Variants in DENND6B observed in about 807,000 individuals in gnomAD.
The protein encoded by DENND6B is protein DENND6B.
Under a neutral mutation model 85.1 loss-of-function variants are expected in DENND6B, and 73 were observed. The ratio of observed to expected loss-of-function variants is 0.86; its 90% CI spans 0.71 to 1.04. The LOEUF is 1.04. DENND6B is among the 50% of genes least tolerant of loss of function. The probability of loss-of-function intolerance (pLI) is 0.00; values close to 1 mark genes in which losing one functional copy is unlikely to be tolerated. For missense variants in DENND6B, 715 were observed against 785.8 expected (o/e 0.91, Z 1.08); for synonymous variants, 357 against 329.3 (o/e 1.08, Z -0.91).
chr22:50,313,445 C>A lies in DENND6B; in HGVS notation c.1347+1G>T. 6.5e-7 allele frequency: 1 copy of A among 1,537,386 alleles called. No homozygotes were observed. Among genetic ancestry groups the A allele is most frequent in the Non-Finnish European group, 8.8e-7 (1 of 1,142,836 alleles). On this transcript the variant is annotated splice_donor_variant, in intron 16 of 19. Transcript: ENST00000413817. LOFTEE classifies it high-confidence loss of function. ...CCACAAAACCCCCACAGGACCCCCA[C>A]CTTCCAGGGCGTGATGCTCTTCTGC... is the stretch of plus-strand genomic sequence containing the variant.
At position 50,314,434 on chromosome 22, in the gene DENND6B, G is replaced by C; in HGVS notation, c.1038C>G (p.Pro346=). 3.2e-6 allele frequency: 5 copies of C among 1,565,962 alleles called. No homozygotes were observed. Among genetic ancestry groups the C allele is most frequent in the Non-Finnish European group, 3.5e-6 (4 of 1,154,608 alleles). Residue 346 remains proline (P), a synonymous_variant, in exon 12 of 20, where the codon CCC becomes CCG. Coordinates refer to ENST00000413817, the MANE Select transcript of DENND6B (RefSeq NM_001001794.4). ...TGGGCTCCCCGACTCGGAGGATGTG[G>C]GGCCAGTGCTGGAGTGTTTTGATAA... is the stretch of plus-strand genomic sequence containing the variant. ...PFFIKTLQHW[P]HILRVGEPKM... is the part of the protein sequence containing the mutation.
chr22:50,317,226 C>T (rs2041879679), intron 5 of DENND6B, 67 bp downstream of exon 5: 2 of 1,576,318 alleles, frequency 1.3e-6, no homozygotes, highest in East Asian at 2.3e-5. Flanking sequence ...CCGCCCACAG[C>T]CCCTCCTGCT....
intron 13 of DENND6B, 148 bp from the exon 14 acceptor site, chr22:50,314,026 C>T (rs2041692341): frequency 3.9e-6 from 5 of 1,291,058 alleles, no homozygotes; most frequent in African/African-American, 3.0e-5. Context: ...ACCCACCCCC[C>T]AGACACCGAG....
At position 50,311,926 on chromosome 22, in the gene DENND6B, C is replaced by T; in HGVS notation, c.*213G>A. 1.2e-6 allele frequency: 1 copy of T among 813,238 alleles called. No homozygotes were observed. Among genetic ancestry groups the T allele is most frequent in the East Asian group, 2.8e-5 (1 of 35,792 alleles). The allele number at this position is 813,238 out of a possible 1,614,324, so 50.4% of individuals were successfully genotyped here. ...AGGTGGGACCCAGGAGGAGGCAAGGCTCTGCCTGCGAGGAACCCCTATGGT... is the reference window on the plus strand; with the variant it reads ...AGGTGGGACCCAGGAGGAGGCAAGGTTCTGCCTGCGAGGAACCCCTATGGT... On this transcript the variant is annotated 3_prime_UTR_variant, in exon 20 of 20. Transcript: ENST00000413817.
intron 13 of DENND6B, 23 bp from the exon 14 acceptor site, chr22:50,313,901 GC>G: frequency 1.3e-6 from 2 of 1,595,972 alleles, no homozygotes. Context: ...CACAGCTGGC[GC>G]CCCACCCTTC....
intron 9 of DENND6B, 126 bp from the exon 10 acceptor site, chr22:50,315,047 G>C: frequency 7.5e-7 from 1 of 1,340,126 alleles, no homozygotes; most frequent in Non-Finnish European, 1.0e-6. Context: ...GCTCCAGGGT[G>C]AAGACAGATC....
chr22:50,312,513 C>T lies in DENND6B; in HGVS notation c.1560+10G>A. 6.3e-7 allele frequency: 1 copy of T among 1,579,110 alleles called. No individual in the cohort carries two copies. Among genetic ancestry groups the T allele is most frequent in the Non-Finnish European group, 8.6e-7 (1 of 1,163,460 alleles). ...TGTTCTGGCCCTCCCCAACCCCCAG[C>T]CTCTCTCACCGCCTCACAGATAGCC... is the stretch of plus-strand genomic sequence containing the variant. On this transcript the variant is annotated intron_variant, in intron 18 of 19. Transcript: ENST00000413817.
Position 50,317,909 on chromosome 22 carries a change from T to C in DENND6B, c.371A>G (p.Gln124Arg). ...CCAGAGACGCAGCCCAGTGCTCACC[T>C]GCAGTGCCACAGGGGCCCTGCTGTT... ...HYNSRAPVAL[Q>R]REPAHYFGYV... is the part of the protein sequence containing the mutation. The change falls in exon 4 of 20, where the codon CAG (glutamine) becomes CGG (arginine). Residue 124 changes from glutamine to arginine, a missense_variant and splice_region_variant. Transcript: ENST00000413817. The C allele has an allele frequency of 6.2e-7, 1 of 1,606,504 alleles. No individual in the cohort carries two copies. The highest frequency in any genetic ancestry group is 8.5e-7 in the Non-Finnish European group (1 of 1,178,956).
At chr22:50,320,689 T>C (rs1207523008) in intron 1 of DENND6B, among the ~76,000 whole-genome samples, 1 of 152,154 alleles carries the variant, frequency 6.6e-6, no homozygotes, top group Non-Finnish European at 1.5e-5. Context: ...GATAGCTCCA[T>C]GAGGGGCTGG....
rs374489759 is a variant in DENND6B at position 50,314,318 on chromosome 22, G to A, written c.1073-46C>T. ...CCAGGCCTCAGTGCCCGCAGCTCTG[G>A]CCATCCCCACGGGCTCTGAGGCGGC... On this transcript the variant is annotated intron_variant, in intron 12 of 19. Coordinates refer to ENST00000413817, the MANE Select transcript of DENND6B (RefSeq NM_001001794.4). The A allele has an allele frequency of 2.3e-5, 37 of 1,598,382 alleles. No individual in the cohort carries two copies. The Admixed American group carries it at 4.6e-4, about 20-fold the overall frequency.
rs754223959 is a variant in DENND6B at position 50,312,388 on chromosome 22, G to A, written c.1590C>T (p.Ser530=). 5.3e-5 allele frequency: 85 copies of A among 1,611,592 alleles called. No individual in the cohort carries two copies. The highest frequency in any genetic ancestry group is 6.4e-5 in the Non-Finnish European group (76 of 1,179,380). The change falls in exon 19 of 20, where the codon TCC becomes TCT. Residue 530 remains serine, a synonymous_variant. Transcript: ENST00000413817. The part of the protein sequence containing the change: ...ANIETWMKDK[S]EVEVVDLVLK... ...GGACCAGGTCCACGACCTCCACCTC[G>A]GACTTGTCTTTCATCCAGGTCTCGA...
chr22:50,326,534 G>T (rs141701526), intron 1 of DENND6B, among the ~76,000 whole-genome samples: 5,372 of 152,316 alleles, frequency 0.035, 320 homozygotes, highest in African/African-American at 0.12. Flanking sequence ...ATGGAGGGGG[G>T]AGATGTGAGA....
At position 50,317,194 on chromosome 22, in the gene DENND6B, G is replaced by A. The variant is rs931750706; in HGVS notation, c.453+99C>T. The A allele has an allele frequency of 5.2e-6, 7 of 1,336,764 alleles. No homozygotes were observed. The Admixed American group carries it at 7.7e-5, about 15-fold the overall frequency. The allele number at this position is 1,336,764 out of a possible 1,614,324, so 82.8% of individuals were successfully genotyped here. On this transcript the variant is annotated intron_variant, in intron 5 of 19. Coordinates refer to ENST00000413817, the MANE Select transcript of DENND6B (RefSeq NM_001001794.4). Reference sequence around the variant, plus strand: ...TGGGGCTGCAGGAGGGGTGGGCACTGCTGGAGGCTCAGGCCCCTTGCCCGC... The same window carrying A: ...TGGGGCTGCAGGAGGGGTGGGCACTACTGGAGGCTCAGGCCCCTTGCCCGC...
Position 50,318,968 on chromosome 22 carries a change from C to T in DENND6B, c.213G>A (p.Lys71=). The T allele has an allele frequency of 6.2e-7, 1 of 1,607,148 alleles. No individual in the cohort carries two copies. The highest frequency in any genetic ancestry group is 8.5e-7 in the Non-Finnish European group (1 of 1,176,952). ...TCCCAAGAGGGCCGGGACTCACCTC[C>T]TTGTCTGTGAGCCGGAAGTCGTTCG... ...VYPNDFRLTD[K]EKSSICYLSF... is the part of the protein sequence containing the mutation. Residue 71 remains lysine, a synonymous_variant, in exon 2 of 20, where the codon AAG becomes AAA. Transcript: ENST00000413817.
At position 50,309,139 on chromosome 22, in the gene DENND6B, C is replaced by T. The variant is rs568040580; in HGVS notation, c.*3000G>A. ...GGAAGCTTGAGGGTGAGCAGCTGTC[C>T]TTCCTGTCCCTGAGCAGGCCCCCTG... On this transcript the variant is annotated 3_prime_UTR_variant, in exon 20 of 20. Coordinates refer to ENST00000413817, the MANE Select transcript of DENND6B (RefSeq NM_001001794.4). 9.9e-4 allele frequency: 151 copies of T among 152,372 alleles called. No individual in the cohort carries two copies. Among genetic ancestry groups the T allele is most frequent in the Non-Finnish European group, 1.8e-3 (122 of 68,058 alleles). The allele number at this position is 152,372 out of a possible 1,614,324, so 9.4% of individuals were successfully genotyped here.
At chr22:50,312,976 G>A in intron 17 of DENND6B, 23 bp downstream of exon 17, 1 of 1,544,084 alleles carries the variant, frequency 6.5e-7, no homozygotes, top group Non-Finnish European at 8.8e-7. Context: ...GGCTCAAGCT[G>A]CCTGCACCTG....
In DENND6B at chr22:50,312,622, C is replaced by T. The variant is rs1456488166; in HGVS notation, c.1461G>A (p.Arg487=). Residue 487 remains arginine, a synonymous_variant, in exon 18 of 20, where the codon CGG becomes CGA. Transcript: ENST00000413817. ...CATCAAAATGGGGGGACTTGAAAAACCGCCTGTGGGGATTAACAGGCGGGG... is the reference window on the plus strand; with the variant it reads ...CATCAAAATGGGGGGACTTGAAAAATCGCCTGTGGGGATTAACAGGCGGGG... ...LKGDWLGLYR[R]FFKSPHFDGW... The T allele has an allele frequency of 2.5e-6, 4 of 1,570,450 alleles. No homozygotes were observed. The East Asian group carries it at 9.4e-5, about 37-fold the overall frequency.
intron 3 of DENND6B, among the ~76,000 whole-genome samples, chr22:50,318,296 T>C (rs2041921947): frequency 6.6e-6 from 1 of 152,138 alleles, no homozygotes; most frequent in South Asian, 2.1e-4. Flanking sequence ...TGAGCTGAGA[T>C]GGTGCCATTG....
rs1283842817 is a variant in DENND6B at position 50,314,720 on chromosome 22, G to A, written c.882-20C>T. 6.4e-7 allele frequency: 1 copy of A among 1,569,356 alleles called. No homozygotes were observed. Among genetic ancestry groups the A allele is most frequent in the Non-Finnish European group, 8.6e-7 (1 of 1,158,118 alleles). On this transcript the variant is annotated intron_variant, in intron 10 of 19. Transcript: ENST00000413817. ...AGGCAGCTGTGGGCAGAGGCAGCAG[G>A]GAGCAGGTGAGGCAGGGGCAGCCCA...
Sources: allele counts gnomAD v4.1 joint callset (sites outside exome capture counted in the v4.1 genomes callset), GRCh38; gene constraint gnomAD v4.1.1; transcripts MANE v1.5; gene names NCBI Gene and HGNC (gene_info 2026-07-23, HGNC 2026-07-21).